Variants in LBP observed in about 807,000 individuals in gnomAD.
LBP encodes the protein lipopolysaccharide-binding protein.
In LBP, 53 loss-of-function variants were observed where a neutral mutation model predicts 56.6. The ratio of observed to expected loss-of-function variants is 0.94; its 90% confidence interval spans 0.75 to 1.18. The LOEUF (loss-of-function observed/expected upper bound fraction) is 1.18. Among genes scored for constraint, LBP ranks in the 50% most tolerant of loss-of-function variants. The pLI is 0.00. For missense variants in LBP, 601 were observed against 598.3 expected, an observed-to-expected ratio of 1.00 and a Z score of -0.05; for synonymous variants, 227 against 247.5, an observed-to-expected ratio of 0.92 and a Z score of 0.78.
chr20:38,366,472 T>C (rs6014840), intron 8 of LBP, among the ~76,000 whole-genome samples: 3,879 of 152,260 alleles, frequency 0.025, 162 homozygotes, highest in African/African-American at 0.088. Context: ...ATGGAAGGGC[T>C]GGCCTGAGAT....
intron 12 of LBP, 79 bp from the exon 13 acceptor site, chr20:38,372,993 C>A: frequency 1.6e-6 from 2 of 1,223,594 alleles, no homozygotes; most frequent in Middle Eastern, 1.9e-4. Context: ...TTTTCCCAAG[C>A]GTTTTGCTAT....
At chr20:38,367,616 A>G (rs1600729214) in intron 9 of LBP, among the ~76,000 whole-genome samples, 1 of 152,140 alleles carries the variant, frequency 6.6e-6, no homozygotes, top group South Asian at 2.1e-4. Context: ...CAGATTTTAC[A>G]TATCTTTCTG....
Position 38,346,657 on chromosome 20 carries a change from G to A in LBP, c.124+17G>A. 6.2e-7 allele frequency: 1 copy of A among 1,612,832 alleles called. No homozygotes were observed. Among genetic ancestry groups the A allele is most frequent in the African/African-American group, 1.3e-5 (1 of 75,040 alleles). ...TGCAGTATGGTAAGAAGCCACATCT[G>A]CTGGCTGGACTTGGCAAACCCACGC... On this transcript the variant is annotated intron_variant, in intron 1 of 14. Coordinates refer to ENST00000217407, the MANE Select transcript of LBP (RefSeq NM_004139.5).
intron 10 of LBP, among the ~76,000 whole-genome samples, chr20:38,370,504 A>G (rs893403599): frequency 6.6e-6 from 1 of 152,140 alleles, no homozygotes; most frequent in Non-Finnish European, 1.5e-5. Context: ...GTCTGTTCAA[A>G]GTTTAACTGC....
chr20:38,354,159 G>C, intron 3 of LBP, 125 bp from the exon 4 acceptor site: 1 of 741,190 alleles, frequency 1.3e-6, no homozygotes, highest in Non-Finnish European at 2.1e-6. Context: ...GGCTTTATTT[G>C]TTATTCTTAA....
At chr20:38,370,399 ATGT>A (rs2076897047) in intron 10 of LBP, among the ~76,000 whole-genome samples, 1 of 151,838 alleles carries the variant, frequency 6.6e-6, no homozygotes, top group Non-Finnish European at 1.5e-5. Context: ...TAATTTATTA[ATGT>A]TGTTACTAGG....
intron 6 of LBP, among the ~76,000 whole-genome samples, chr20:38,361,068 A>G (rs143197158): frequency 0.024 from 3,700 of 151,852 alleles, 157 homozygotes; most frequent in African/African-American, 0.083. Flanking sequence ...AGGCTGAGGC[A>G]GGAGAATTGA....
chr20:38,376,724 A>G lies in LBP; in HGVS notation c.*55A>G. Reference sequence around the variant, plus strand: ...AGCTGGATCTGCTTGTTGCATTTCCAGCTGTGCAGCACGTCTCAGAGATTC... The same window carrying G: ...AGCTGGATCTGCTTGTTGCATTTCCGGCTGTGCAGCACGTCTCAGAGATTC... On this transcript the variant is annotated 3_prime_UTR_variant, in exon 15 of 15. Coordinates refer to ENST00000217407, the MANE Select transcript of LBP (RefSeq NM_004139.5). The G allele has an allele frequency of 6.7e-7, 1 of 1,487,428 alleles. No individual in the cohort carries two copies. Among genetic ancestry groups the G allele is most frequent in the East Asian group, 2.3e-5 (1 of 44,274 alleles). The allele number at this position is 1,487,428 out of a possible 1,614,324, so 92.1% of individuals were successfully genotyped here.
intron 14 of LBP, among the ~76,000 whole-genome samples, chr20:38,375,850 G>A (rs1247198843): frequency 1.3e-5 from 2 of 152,132 alleles, no homozygotes; most frequent in Non-Finnish European, 2.9e-5. Context: ...GGAATGAAGG[G>A]CAGGGGGGAT....
At position 38,346,507 on chromosome 20, in the gene LBP, G is replaced by A; in HGVS notation, c.-10G>A. 1 of 1,613,434 alleles carries A rather than the reference G, an allele frequency of 6.2e-7. No individual in the cohort carries two copies. The highest frequency in any genetic ancestry group is 8.5e-7 in the Non-Finnish European group (1 of 1,179,874). ...GGGACAGTCCTGGCCCACTGCACTG[G>A]GAATCTAGGATGGGGGCCTTGGCCA... On this transcript the variant is annotated 5_prime_UTR_variant, in exon 1 of 15. Transcript: ENST00000217407.
chr20:38,367,682 G>A (rs1003130020), intron 9 of LBP, among the ~76,000 whole-genome samples: 3 of 152,122 alleles, frequency 2.0e-5, no homozygotes, highest in African/African-American at 7.2e-5. Context: ...GCTTGGAAAA[G>A]CAACTCTGCC....
intron 8 of LBP, 97 bp from the exon 9 acceptor site, chr20:38,366,672 G>T: frequency 8.8e-7 from 1 of 1,134,896 alleles, no homozygotes; most frequent in Non-Finnish European, 1.3e-6. Context: ...CTGTGGAGAA[G>T]CGACAGTCTT....
intron 1 of LBP, among the ~76,000 whole-genome samples, chr20:38,348,832 C>T (rs1045504967): frequency 4.0e-5 from 6 of 149,898 alleles, no homozygotes; most frequent in East Asian, 2.0e-4. Context: ...CTCACTCTGT[C>T]GCCCAGGCTA....
At chr20:38,375,368 G>C (rs938332528) in intron 14 of LBP, among the ~76,000 whole-genome samples, 2 of 151,854 alleles carry the variant, frequency 1.3e-5, no homozygotes, top group African/African-American at 2.4e-5. Flanking sequence ...AGATCATGAG[G>C]TCAAAAGTTT....
At position 38,355,392 on chromosome 20, in the gene LBP, A is replaced by C; in HGVS notation, c.571A>C (p.Lys191Gln). The change falls in exon 5 of 15, where the codon AAA becomes CAA. Residue 191 changes from lysine (K) to glutamine (Q), a missense_variant. Transcript: ENST00000217407. ...CAACCAGATTGAGTCCAAGTTCCAG[A>C]AAGTACTGGAGAGCAGGGTAAGAAG... ...FHNQIESKFQ[K>Q]VLESRICEMI... The C allele has an allele frequency of 1.2e-6, 2 of 1,613,674 alleles. No individual in the cohort carries two copies. The highest frequency in any genetic ancestry group is 2.2e-5 in the East Asian group (1 of 44,872).
At chr20:38,374,950 A>ATTTTTTTTTTTTTTTTT (rs370110558) in intron 14 of LBP, among the ~76,000 whole-genome samples, 108 of 127,094 alleles carry the variant, frequency 8.5e-4, no homozygotes, top group African/African-American at 1.9e-3. Context: ...CTCCCAGCTA[A>ATTTTTTTTTTTTTTTTT]TTTTTTTTTT....
chr20:38,358,748 C>A (rs2076849661), intron 5 of LBP, among the ~76,000 whole-genome samples: 1 of 152,200 alleles, frequency 6.6e-6, no homozygotes, highest in Non-Finnish European at 1.5e-5. Flanking sequence ...CCATCTGTGA[C>A]CCCTGCACTA....
chr20:38,352,116 A>G (rs2076822639), intron 3 of LBP, among the ~76,000 whole-genome samples: 1 of 152,054 alleles, frequency 6.6e-6, no homozygotes, highest in Non-Finnish European at 1.5e-5. Context: ...TTATAAAGAC[A>G]CTAGTCACAT....
In LBP at chr20:38,356,505, G is replaced by GT. The variant is rs201124299; in HGVS notation, c.588+1098dup. 4.1e-4 allele frequency among the ~76,000 whole-genome samples: 62 copies of GT among 151,352 alleles called. No homozygotes were observed. In the East Asian group the frequency reaches 0.01, roughly 25 times the overall value. On this transcript the variant is annotated intron_variant, in intron 5 of 14. Transcript: ENST00000217407. ...GTTTGGCTTTGAGTGCCCCCTCGTG[G>GT]TTGAAACAGGAACAGCAGGCAAACC...
Sources: allele counts gnomAD v4.1 joint callset (sites outside exome capture counted in the v4.1 genomes callset), GRCh38; gene constraint gnomAD v4.1.1; transcripts MANE v1.5; gene names NCBI Gene and HGNC (gene_info 2026-07-23, HGNC 2026-07-21).